PRKCQ: variants seen among roughly 807,000 people sequenced by gnomAD.
PRKCQ encodes protein kinase C theta type.
A neutral mutation model predicts 91.2 loss-of-function variants in PRKCQ; 41 were observed. That is an observed-to-expected ratio of 0.45 (90% CI 0.35 to 0.58). PRKCQ has a LOEUF of 0.58. PRKCQ is among the 20% of genes least tolerant of loss of function. The pLI, the probability that PRKCQ is intolerant of heterozygous loss-of-function variation, is 0.00. For synonymous variants in PRKCQ, 307 were observed against 316.9 expected, an observed-to-expected ratio of 0.97 and a Z score of 0.33; for missense variants, 673 against 896.5, an observed-to-expected ratio of 0.75 and a Z score of 3.18.
At chr10:6,538,147 G>T (rs1463671704) in intron 1 of PRKCQ, among the ~76,000 whole-genome samples, 1 of 152,230 alleles carries the variant, frequency 6.6e-6, no homozygotes, top group Non-Finnish European at 1.5e-5. Context: ...GCCTCACTCT[G>T]TGGGCTCAGA....
the PRKCQ span, among the ~76,000 whole-genome samples, chr10:6,411,188 G>A: frequency 5.9e-5 from 9 of 152,122 alleles, no homozygotes; most frequent in Admixed American, 2.0e-4. Flanking sequence ...ATAGTATTTC[G>A]GCTTTCTGTT....
intron 1 of PRKCQ, among the ~76,000 whole-genome samples, chr10:6,575,626 A>G: frequency 6.6e-6 from 1 of 152,228 alleles, no homozygotes; most frequent in East Asian, 1.9e-4. Flanking sequence ...CTGGGATAGG[A>G]AATAAACAAT....
chr10:6,490,479 A>G (rs1274412220), intron 8 of PRKCQ, among the ~76,000 whole-genome samples: 1 of 150,614 alleles, frequency 6.6e-6, no homozygotes, highest in Non-Finnish European at 1.5e-5. Flanking sequence ...TAATCCTAGC[A>G]CTTTTGGAGG....
At chr10:6,419,802 T>C in the PRKCQ span, among the ~76,000 whole-genome samples, 1 of 149,364 alleles carries the variant, frequency 6.7e-6, no homozygotes, top group Non-Finnish European at 1.5e-5. Flanking sequence ...GACTCTCCTC[T>C]GTCAGCCTCC....
chr10:6,530,540 C>G (rs934437782), intron 1 of PRKCQ, among the ~76,000 whole-genome samples: 2 of 152,224 alleles, frequency 1.3e-5, no homozygotes, highest in Non-Finnish European at 2.9e-5. Context: ...TGGGCTATCA[C>G]AGTCACAGGG....
intron 12 of PRKCQ, among the ~76,000 whole-genome samples, chr10:6,472,990 G>A (rs1836073305): frequency 6.6e-6 from 1 of 152,224 alleles, no homozygotes; most frequent in Non-Finnish European, 1.5e-5. Context: ...TGGGATTACA[G>A]GTGTGAGCCA....
intron 1 of PRKCQ, among the ~76,000 whole-genome samples, chr10:6,528,990 G>C (rs1418445495): frequency 6.6e-6 from 1 of 152,176 alleles, no homozygotes; most frequent in Non-Finnish European, 1.5e-5. Context: ...AGAATTGGGT[G>C]ATATAAACAG....
At chr10:6,439,900 T>C (rs1252885084) in intron 16 of PRKCQ, among the ~76,000 whole-genome samples, 1 of 152,162 alleles carries the variant, frequency 6.6e-6, no homozygotes, top group Non-Finnish European at 1.5e-5. Flanking sequence ...AAAGGTCAAC[T>C]GTACTGGCTG....
At position 6,497,679 on chromosome 10, in the gene PRKCQ, A is replaced by T. The variant is rs1205873707; in HGVS notation, c.543-428T>A. On this transcript the variant is annotated intron_variant, in intron 5 of 17. Coordinates refer to ENST00000263125, the MANE Select transcript of PRKCQ (RefSeq NM_006257.5). This position sits in a 1 kb window ranked among gnomAD's most constrained non-coding sequence, Gnocchi z 4.5. The stretch of plus-strand genomic sequence containing the variant: ...ATATTTGCAACCAACAAAGTCTCAC[A>T]TGCAGGACCGATTCCTGAGTGACAT... 6.6e-6 allele frequency among the ~76,000 whole-genome samples: 1 copy of T among 152,210 alleles called. No homozygotes were observed. The highest frequency in any genetic ancestry group is 2.4e-5 in the African/African-American group (1 of 41,458).
At chr10:6,534,183 G>A (rs1262647629) in intron 1 of PRKCQ, among the ~76,000 whole-genome samples, 1 of 152,164 alleles carries the variant, frequency 6.6e-6, no homozygotes, top group East Asian at 1.9e-4. Flanking sequence ...GTTATCAAGG[G>A]CCAATAAAAC....
At chr10:6,434,183 AG>A (rs1361915430) in intron 16 of PRKCQ, among the ~76,000 whole-genome samples, 3 of 152,118 alleles carry the variant, frequency 2.0e-5, no homozygotes, top group African/African-American at 7.2e-5. Context: ...TAAGTGTCTC[AG>A]GAAGGGGCCA....
intron 8 of PRKCQ, among the ~76,000 whole-genome samples, chr10:6,487,726 G>A (rs532739632): frequency 2.6e-5 from 4 of 152,058 alleles, no homozygotes; most frequent in Admixed American, 1.3e-4. Context: ...GGCCAGGCGT[G>A]GTGGCTCACA....
intron 1 of PRKCQ, among the ~76,000 whole-genome samples, 195 bp downstream of exon 1, chr10:6,580,016 A>G (rs1266152493): frequency 6.6e-6 from 1 of 152,066 alleles, no homozygotes; most frequent in Non-Finnish European, 1.5e-5. Flanking sequence ...CCTGCGTCCC[A>G]GAAACCCAGC....
In PRKCQ at chr10:6,497,191, G is replaced by A. The variant is rs765380791; in HGVS notation, c.574+29C>T. 3 of 1,613,992 alleles carry A rather than the reference G, an allele frequency of 1.9e-6. No homozygotes were observed. Among genetic ancestry groups the A allele is most frequent in the Non-Finnish European group, 2.5e-6 (3 of 1,180,000 alleles). ...GGAATAACTAAATAAAAAGAATGAT[G>A]GTAATGCAACCAAAACCCTCTTACT... On this transcript the variant is annotated intron_variant, in intron 6 of 17. Coordinates refer to ENST00000263125, the MANE Select transcript of PRKCQ (RefSeq NM_006257.5). This position sits in a 1 kb window ranked among gnomAD's most constrained non-coding sequence, Gnocchi z 4.5.
intron 3 of PRKCQ, 92 bp downstream of exon 3, chr10:6,510,903 A>C: frequency 6.7e-7 from 1 of 1,496,148 alleles, no homozygotes; most frequent in Non-Finnish European, 9.3e-7. Flanking sequence ...GGCCAGTGTA[A>C]TCACACCCTC....
chr10:6,526,392 C>A (rs138745255), intron 1 of PRKCQ, among the ~76,000 whole-genome samples: 1 of 151,974 alleles, frequency 6.6e-6, no homozygotes, highest in Non-Finnish European at 1.5e-5. Flanking sequence ...TCCAGATGCA[C>A]GAGACAGACA....
In PRKCQ at chr10:6,496,216, C is replaced by CA. The variant is rs199934718; in HGVS notation, c.660+818dup. Among the ~76,000 whole-genome samples the CA allele has an allele frequency of 4.5e-3, 427 of 93,906 alleles. 1 individual carries two copies. Among genetic ancestry groups the CA allele is most frequent in the Middle Eastern group, 5.7e-3 (1 of 174 alleles). 61.6% of individuals were successfully genotyped at this position (93,906 alleles called of 152,430 possible). A position where few individuals can be genotyped will look rare whatever the true frequency, so the allele number is the denominator to read the frequency against. On this transcript the variant is annotated intron_variant, in intron 7 of 17. Coordinates refer to ENST00000263125, the MANE Select transcript of PRKCQ (RefSeq NM_006257.5). ...GGGTAAACAGAGTAAGATTCCATCT[C>CA]AAAAAAAAAAAAAAAAAAAAAAAAA...
rs144886793 is a variant in PRKCQ, at chr10:6,458,487, AGAG to A, written c.1509-1678_1509-1676del. ...ATGTCTCTGCAAGCTTTCATCTGTCAGAGGAGAAGCAGGCCATCATGGCATCAA... is the reference window on the plus strand; with the variant it reads ...ATGTCTCTGCAAGCTTTCATCTGTCAGAGAAGCAGGCCATCATGGCATCAA... On this transcript the variant is annotated intron_variant, in intron 14 of 17. Coordinates refer to ENST00000263125, the MANE Select transcript of PRKCQ (RefSeq NM_006257.5). Among the ~76,000 whole-genome samples, 1,116 of 152,242 alleles carry A rather than the reference AGAG, an allele frequency of 7.3e-3. 7 individuals are homozygous for A. Among genetic ancestry groups the A allele is most frequent in the African/African-American group, 0.025 (1,031 of 41,544 alleles).
chr10:6,491,566 G>A (rs1376454152), intron 8 of PRKCQ, 117 bp downstream of exon 8: 3 of 1,378,486 alleles, frequency 2.2e-6, no homozygotes, highest in Non-Finnish European at 2.9e-6. Flanking sequence ...ATCATGACTT[G>A]TCTGGGCTGG....
Sources: allele counts gnomAD v4.1 joint callset (sites outside exome capture counted in the v4.1 genomes callset), GRCh38; gene constraint gnomAD v4.1.1; non-coding constraint Gnocchi (gnomAD v3.1); transcripts MANE v1.5; gene names NCBI Gene and HGNC (gene_info 2026-07-23, HGNC 2026-07-21).